KBTBD12: variants seen among roughly 807,000 people sequenced by gnomAD.
The protein encoded by KBTBD12 is kelch repeat and BTB domain-containing protein 12.
A neutral mutation model predicts 58.7 loss-of-function variants in KBTBD12; 53 were observed. The ratio of observed to expected loss-of-function variants is 0.90; its 90% CI spans 0.72 to 1.14. KBTBD12 has a LOEUF of 1.14. Among genes scored for constraint, KBTBD12 ranks in the 50% most tolerant of loss-of-function variants. KBTBD12 has a pLI of 0.00. For missense variants in KBTBD12, 704 were observed against 751.3 expected, an observed-to-expected ratio of 0.94 and a Z score of 0.74; for synonymous variants, 236 against 259.8, an observed-to-expected ratio of 0.91 and a Z score of 0.88.
At chr3:127,948,485 G>A (rs762315968) in intron 4 of KBTBD12, among the ~76,000 whole-genome samples, 3 of 152,198 alleles carry the variant, frequency 2.0e-5, no homozygotes, top group Non-Finnish European at 4.4e-5. Context: ...TCCCCCATGG[G>A]GTGGCTTAGG....
At chr3:127,917,433 T>G (rs978304139) in intron 1 of KBTBD12, among the ~76,000 whole-genome samples, 2 of 152,208 alleles carry the variant, frequency 1.3e-5, no homozygotes, top group African/African-American at 4.8e-5. Context: ...TGTTCAGCTA[T>G]CCTGGAAGCT....
At chr3:127,924,770 A>G (rs1939524970) in intron 2 of KBTBD12, among the ~76,000 whole-genome samples, 1 of 152,226 alleles carries the variant, frequency 6.6e-6, no homozygotes, top group African/African-American at 2.4e-5. Context: ...TAGTTGAAGA[A>G]TGCTTTAATC....
At chr3:127,930,361 C>G in intron 4 of KBTBD12, 78 bp downstream of exon 4, 1 of 1,243,630 alleles carries the variant, frequency 8.0e-7, no homozygotes, top group Non-Finnish European at 1.1e-6. Context: ...ATGAAACGTT[C>G]TCCTTTGCAC....
chr3:127,978,083 AG>A (rs1169801526), intron 5 of KBTBD12, among the ~76,000 whole-genome samples: 1 of 152,206 alleles, frequency 6.6e-6, no homozygotes, highest in Non-Finnish European at 1.5e-5. Flanking sequence ...TTGAATAGAG[AG>A]TCCTTTCCCC....
intron 4 of KBTBD12, among the ~76,000 whole-genome samples, chr3:127,947,154 C>G (rs1435634042): frequency 6.6e-6 from 1 of 151,988 alleles, no homozygotes; most frequent in Non-Finnish European, 1.5e-5. Context: ...CTGCCTATGC[C>G]CATGTCTGGT....
chr3:127,957,058 C>A (rs1176342312), intron 4 of KBTBD12, among the ~76,000 whole-genome samples: 1 of 152,052 alleles, frequency 6.6e-6, no homozygotes, highest in African/African-American at 2.4e-5. Context: ...AGGAAAATAT[C>A]GATTACCAAA....
At chr3:127,962,422 C>T (rs1319161419) in intron 4 of KBTBD12, among the ~76,000 whole-genome samples, 1 of 152,202 alleles carries the variant, frequency 6.6e-6, no homozygotes, top group Non-Finnish European at 1.5e-5. Context: ...TTGTTACAGT[C>T]CCTGGACTTC....
rs1939610599 is a variant in KBTBD12 at position 127,927,805 on chromosome 3, C to T, written c.1112C>T (p.Thr371Ile). The change falls in exon 3 of 6, where the codon ACA becomes ATA. Residue 371 changes from threonine (T) to isoleucine (I), a missense_variant. Physicochemically the swap from Thr to Ile is moderately conservative, Grantham distance 89 (BLOSUM62 -1). Coordinates refer to ENST00000405109, the MANE Select transcript of KBTBD12 (RefSeq NM_207335.4). ...AACCAGTTTTGGGAAAAGTTATGCACAGCTGAATTTCGAGAACTCTATGCT... is the reference window on the plus strand; with the variant it reads ...AACCAGTTTTGGGAAAAGTTATGCATAGCTGAATTTCGAGAACTCTATGCT... ...RGNQFWEKLC[T>I]AEFRELYALG... 1 of 1,585,300 alleles carries T rather than the reference C, an allele frequency of 6.3e-7. No homozygotes were observed. The highest frequency in any genetic ancestry group is 8.6e-7 in the Non-Finnish European group (1 of 1,165,510).
At chr3:127,958,995 C>T (rs990858616) in intron 4 of KBTBD12, among the ~76,000 whole-genome samples, 2 of 152,140 alleles carry the variant, frequency 1.3e-5, no homozygotes, top group African/African-American at 4.8e-5. Flanking sequence ...TACTGAAGGG[C>T]TTCATTCTGA....
At chr3:127,965,221 T>A (rs964356843) in intron 5 of KBTBD12, among the ~76,000 whole-genome samples, 1 of 152,250 alleles carries the variant, frequency 6.6e-6, no homozygotes, top group Non-Finnish European at 1.5e-5. Flanking sequence ...AATATTGAAT[T>A]AGAGAATTGA....
chr3:127,934,016 A>G (rs1029419038), intron 4 of KBTBD12, among the ~76,000 whole-genome samples: 3 of 152,140 alleles, frequency 2.0e-5, no homozygotes, highest in Admixed American at 6.6e-5. Context: ...CCAACAAAAA[A>G]TCACAACACA....
At chr3:127,936,446 A>G (rs1341038354) in intron 4 of KBTBD12, among the ~76,000 whole-genome samples, 4 of 152,140 alleles carry the variant, frequency 2.6e-5, no homozygotes, top group Admixed American at 2.6e-4. Flanking sequence ...TCAAGAATTG[A>G]TAGGATTAGA....
At chr3:127,965,767 A>C (rs1217793457) in intron 5 of KBTBD12, among the ~76,000 whole-genome samples, 1 of 152,252 alleles carries the variant, frequency 6.6e-6, no homozygotes, top group Non-Finnish European at 1.5e-5. Flanking sequence ...AGCCCCACTA[A>C]AATGACAGTA....
At chr3:127,956,303 A>C (rs1443037893) in intron 4 of KBTBD12, among the ~76,000 whole-genome samples, 1 of 152,146 alleles carries the variant, frequency 6.6e-6, no homozygotes, top group Non-Finnish European at 1.5e-5. Flanking sequence ...TTTATCATTG[A>C]TATCCCACAA....
rs756449549 is a variant in KBTBD12, at chr3:127,923,492, G to A, written c.431G>A (p.Gly144Glu). Residue 144 changes from glycine (G) to glutamate (E), a missense_variant, in exon 2 of 6, where the codon GGA becomes GAA. By Grantham distance (98) the Gly-to-Glu change is moderately conservative (BLOSUM62 -2). Transcript: ENST00000405109. ...ATCTATTATTTTGCAAAGCAGATTG[G>A]AGCTGAAGATTTATCTGATCGATCA... ...LGIYYFAKQIGAEDLSDRSKK... is the reference protein window; with the variant it reads ...LGIYYFAKQIEAEDLSDRSKK... 1 of 1,610,896 alleles carries A rather than the reference G, an allele frequency of 6.2e-7. No homozygotes were observed. The highest frequency in any genetic ancestry group is 1.7e-5 in the Admixed American group (1 of 59,664).
intron 4 of KBTBD12, among the ~76,000 whole-genome samples, chr3:127,940,210 AAAC>A (rs762994226): frequency 3.3e-5 from 5 of 152,258 alleles, no homozygotes; most frequent in African/African-American, 7.2e-5. Context: ...GTAGATAGAA[AAAC>A]AACAAGTACC....
intron 5 of KBTBD12, among the ~76,000 whole-genome samples, chr3:127,979,288 C>T (rs1940836376): frequency 6.6e-6 from 1 of 152,150 alleles, no homozygotes; most frequent in African/African-American, 2.4e-5. Flanking sequence ...CAAGATGGCA[C>T]AGATTTTGAA....
chr3:127,923,941 T>C lies in KBTBD12; in HGVS notation c.880T>C (p.Tyr294His), dbSNP rs1209963746. 2 of 1,613,892 alleles carry C rather than the reference T, an allele frequency of 1.2e-6. No individual in the cohort carries two copies. The highest frequency in any genetic ancestry group is 1.7e-6 in the Non-Finnish European group (2 of 1,179,832). ...SSGIRSRHRSYGDASFCYDPV... is the reference protein window; with the variant it reads ...SSGIRSRHRSHGDASFCYDPV... ...AGGAATCAGATCAAGACATAGGAGCTATGGGGATGCCAGTTTTTGTTATGA... is the reference window on the plus strand; with the variant it reads ...AGGAATCAGATCAAGACATAGGAGCCATGGGGATGCCAGTTTTTGTTATGA... Residue 294 changes from tyrosine (Y) to histidine (H), a missense_variant, in exon 2 of 6, where the codon TAT becomes CAT. Physicochemically the swap from Tyr to His is moderately conservative, Grantham distance 83 (BLOSUM62 2). Transcript: ENST00000405109.
Position 127,923,795 on chromosome 3 carries a change from A to G in KBTBD12, c.734A>G (p.Asp245Gly). 3.1e-6 allele frequency: 5 copies of G among 1,613,918 alleles called. No individual in the cohort carries two copies. The East Asian group carries it at 1.1e-4, about 36-fold the overall frequency. The change falls in exon 2 of 6, where the codon GAT (aspartate) becomes GGT (glycine). Residue 245 changes from aspartate to glycine, a missense_variant. Physicochemically the swap from Asp to Gly is moderately conservative, Grantham distance 94. Transcript: ENST00000405109. ...AACACAATGCTTCTGTGTGATGCAG[A>G]TTGTGTTGACATAATTCAAAATGCA... Reference protein sequence around the residue: ...RRNTMLLCDADCVDIIQNAFK... With the variant: ...RRNTMLLCDAGCVDIIQNAFK...
Sources: gnomAD v4.1 joint callset for allele counts (sites outside exome capture counted in the v4.1 genomes callset) on GRCh38, gnomAD v4.1.1 for gene constraint, MANE v1.5 for transcripts, NCBI Gene and HGNC (gene_info 2026-07-23, HGNC 2026-07-21) for gene names.